The following IGF2BP3 variants were observed in gnomAD, a reference collection of about 807,000 sequenced individuals.
The protein encoded by IGF2BP3 is insulin like growth factor 2 mRNA binding protein 3, also known as insulin-like growth factor 2 mRNA-binding protein 3.
In IGF2BP3, 9 loss-of-function variants were observed where a neutral mutation model predicts 73.8. The observed-to-expected ratio is 0.12, with a 90% confidence interval of 0.07 to 0.21. The LOEUF is 0.21. IGF2BP3 is among the 10% of genes least tolerant of loss of function. The pLI is 1.00. For synonymous variants in IGF2BP3, 258 were observed against 256.7 expected (o/e 1.01, Z -0.05); for missense variants, 542 against 714.0 (o/e 0.76, Z 2.75).
chr7:23,345,449 G>A (rs988864497), intron 8 of IGF2BP3, among the ~76,000 whole-genome samples: 4 of 152,184 alleles, frequency 2.6e-5, no homozygotes, highest in African/African-American at 9.7e-5. Flanking sequence ...GCAGCTCTGT[G>A]GAGAAGCCCA....
rs552906892 is a variant in IGF2BP3, at chr7:23,406,620, T to C, written c.285+12156A>G. 4.3e-4 allele frequency among the ~76,000 whole-genome samples: 65 copies of C among 152,254 alleles called. 1 individual carries two copies. Among genetic ancestry groups the C allele is most frequent in the Non-Finnish European group, 9.0e-4 (61 of 68,010 alleles). Reference sequence around the variant, plus strand: ...AAGAGTGAGCAGCAGCAAGATTTACTGTGAAGAGCAAAAGAACAAAGCTTC... The same window carrying C: ...AAGAGTGAGCAGCAGCAAGATTTACCGTGAAGAGCAAAAGAACAAAGCTTC... On this transcript the variant is annotated intron_variant, in intron 3 of 14. Coordinates refer to ENST00000258729, the MANE Select transcript of IGF2BP3 (RefSeq NM_006547.3).
intron 6 of IGF2BP3, among the ~76,000 whole-genome samples, chr7:23,349,572 C>T (rs1479103745): frequency 2.6e-5 from 4 of 152,076 alleles, no homozygotes; most frequent in Non-Finnish European, 4.4e-5. Flanking sequence ...TACTAAGCTC[C>T]GATCCCCTGA....
chr7:23,334,880 G>C (rs1784533002), intron 10 of IGF2BP3, among the ~76,000 whole-genome samples: 1 of 152,008 alleles, frequency 6.6e-6, no homozygotes, highest in Non-Finnish European at 1.5e-5. Flanking sequence ...ACATCACAAA[G>C]GCATGGAGAC....
chr7:23,426,659 C>A (rs1787520045), intron 2 of IGF2BP3, among the ~76,000 whole-genome samples: 1 of 152,160 alleles, frequency 6.6e-6, no homozygotes, highest in African/African-American at 2.4e-5. Context: ...TTAATACATT[C>A]CTCTGTTCCC....
intron 10 of IGF2BP3, among the ~76,000 whole-genome samples, chr7:23,329,246 C>T (rs1784383429): frequency 6.6e-6 from 1 of 151,874 alleles, no homozygotes; most frequent in African/African-American, 2.4e-5. Context: ...GGAATGGATA[C>T]AATAAATAAC....
At chr7:23,426,658 T>C (rs1459897665) in intron 2 of IGF2BP3, among the ~76,000 whole-genome samples, 1 of 152,230 alleles carries the variant, frequency 6.6e-6, no homozygotes, top group Non-Finnish European at 1.5e-5. Flanking sequence ...TTTAATACAT[T>C]CCTCTGTTCC....
chr7:23,335,500 A>G lies in IGF2BP3; in HGVS notation c.1203+6564T>C, dbSNP rs554326833. Among the ~76,000 whole-genome samples the G allele has an allele frequency of 2.0e-5, 3 of 150,878 alleles. No homozygotes were observed. In the East Asian group the frequency reaches 5.8e-4, roughly 29 times the overall value. ...AGACAGAGTTCTCCCTATGTTGCCCAGCCTGATCTCAAGCAATCCTCTTAC... is the reference window on the plus strand; with the variant it reads ...AGACAGAGTTCTCCCTATGTTGCCCGGCCTGATCTCAAGCAATCCTCTTAC... On this transcript the variant is annotated intron_variant, in intron 10 of 14. Transcript: ENST00000258729.
chr7:23,416,006 C>G (rs1384870037), intron 3 of IGF2BP3: 1 of 152,152 alleles, frequency 6.6e-6, no homozygotes, highest in Non-Finnish European at 1.5e-5. Flanking sequence ...ATGTACCAAG[C>G]ACTGTTTTAA....
At chr7:23,440,450 T>G (rs1260289548) in intron 2 of IGF2BP3, among the ~76,000 whole-genome samples, 1 of 152,176 alleles carries the variant, frequency 6.6e-6, no homozygotes, top group African/African-American at 2.4e-5. Context: ...CAAAGCTTTA[T>G]AATTTGAAAA....
intron 5 of IGF2BP3, among the ~76,000 whole-genome samples, chr7:23,360,901 A>G (rs929509216): frequency 6.6e-6 from 1 of 152,148 alleles, no homozygotes; most frequent in African/African-American, 2.4e-5. Flanking sequence ...GTTAAAGGCC[A>G]TATTTGTGGG....
At chr7:23,336,305 C>T (rs1246339073) in intron 10 of IGF2BP3, among the ~76,000 whole-genome samples, 13 of 152,094 alleles carry the variant, frequency 8.5e-5, no homozygotes, top group African/African-American at 1.7e-4. Context: ...AGGATAAACA[C>T]GATCTTAGTA....
chr7:23,358,653 G>A (rs888240256), intron 5 of IGF2BP3, among the ~76,000 whole-genome samples: 1 of 152,162 alleles, frequency 6.6e-6, no homozygotes, highest in African/African-American at 2.4e-5. Context: ...TGGTGTTTAC[G>A]CTTTCTCTGC....
intron 2 of IGF2BP3, among the ~76,000 whole-genome samples, chr7:23,435,687 A>T (rs1236607400): frequency 6.6e-6 from 1 of 152,050 alleles, no homozygotes; most frequent in Admixed American, 6.6e-5. Flanking sequence ...CGATCTCCTG[A>T]CCTCATGATC....
Position 23,330,169 on chromosome 7 carries a change from C to G in IGF2BP3, c.1204-10915G>C, listed in dbSNP as rs1784407487. On this transcript the variant is annotated intron_variant, in intron 10 of 14. Coordinates refer to ENST00000258729, the MANE Select transcript of IGF2BP3 (RefSeq NM_006547.3). ...GGCATGGTGGCAGGCACCTGTAATC[C>G]CAGCTACTCGAGAGGCTGAGGCAGG... Among the ~76,000 whole-genome samples the G allele has an allele frequency of 2.0e-5, 3 of 152,024 alleles. No individual in the cohort carries two copies. The South Asian group carries it at 6.2e-4, about 32-fold the overall frequency.
chr7:23,458,030 C>CATCCA (rs1399085526), intron 2 of IGF2BP3, among the ~76,000 whole-genome samples: 1 of 152,180 alleles, frequency 6.6e-6, no homozygotes, highest in African/African-American at 2.4e-5. Flanking sequence ...AATCTATTTA[C>CATCCA]ATCCATCCAG....
chr7:23,430,086 CTTT>C (rs1156607130), intron 2 of IGF2BP3, among the ~76,000 whole-genome samples: 3 of 138,070 alleles, frequency 2.2e-5, no homozygotes, highest in African/African-American at 5.4e-5. Flanking sequence ...TTCTTTGCCT[CTTT>C]TTTTTTTTTT....
chr7:23,412,934 A>C (rs1787074925), intron 3 of IGF2BP3, among the ~76,000 whole-genome samples: 1 of 125,422 alleles, frequency 8.0e-6, no homozygotes, highest in African/African-American at 3.1e-5. Flanking sequence ...ATCTTGGCTC[A>C]CTGCAACCTC....
chr7:23,448,647 T>C (rs939730999), intron 2 of IGF2BP3, among the ~76,000 whole-genome samples: 4 of 152,062 alleles, frequency 2.6e-5, no homozygotes, highest in African/African-American at 7.2e-5. Flanking sequence ...GTTTGTTTTT[T>C]TGAGGCAGAG....
At chr7:23,444,663 AAC>A (rs150173977) in intron 2 of IGF2BP3, among the ~76,000 whole-genome samples, 51,449 of 150,238 alleles carry the variant, frequency 0.34, 9,085 homozygotes, top group Middle Eastern at 0.41. Flanking sequence ...GAATCGCTTG[AAC>A]CTGGGAGGTG....
Sources: allele counts gnomAD v4.1 joint callset (sites outside exome capture counted in the v4.1 genomes callset), GRCh38; gene constraint gnomAD v4.1.1; transcripts MANE v1.5; gene names NCBI Gene and HGNC (gene_info 2026-07-23, HGNC 2026-07-21).